The following PACSIN1 variants were observed in gnomAD, a reference collection of about 807,000 sequenced individuals.
PACSIN1 encodes the protein protein kinase C and casein kinase substrate in neurons 1.
PACSIN1 carries 15 observed loss-of-function variants against 59.5 expected under a neutral mutation model. The observed-to-expected ratio is 0.25, with a 90% CI of 0.17 to 0.39. The LOEUF (loss-of-function observed/expected upper bound fraction) is 0.39. Among genes scored for constraint, PACSIN1 ranks in the 10% least tolerant of loss-of-function variants. PACSIN1 has a pLI of 1.00. For missense variants in PACSIN1, 420 were observed against 580.2 expected (o/e 0.72, Z 2.84); for synonymous variants, 210 against 220.6 (o/e 0.95, Z 0.42).
chr6:34,466,418 G>A (rs888303294), intron 1 of PACSIN1, 148 bp downstream of exon 1: 2 of 152,520 alleles, frequency 1.3e-5, no homozygotes, highest in Non-Finnish European at 2.9e-5. Flanking sequence ...GAGAGAAGCG[G>A]GTGCGCGTTC....
At chr6:34,471,232 G>A (rs546560006) in intron 1 of PACSIN1, among the ~76,000 whole-genome samples, 108 of 152,342 alleles carry the variant, frequency 7.1e-4, no homozygotes, top group African/African-American at 2.3e-3. Context: ...ACAGGCATGA[G>A]CCACCGCGCC....
intron 1 of PACSIN1, among the ~76,000 whole-genome samples, chr6:34,468,918 C>T (rs1235078758): frequency 3.9e-5 from 6 of 152,236 alleles, no homozygotes; most frequent in African/African-American, 1.4e-4. Context: ...TTGGTCCCAT[C>T]ATCTACTTTC....
At chr6:34,504,794 A>G (rs964047981) in intron 1 of PACSIN1, among the ~76,000 whole-genome samples, 7 of 152,126 alleles carry the variant, frequency 4.6e-5, no homozygotes, top group Admixed American at 1.3e-4. Context: ...TGCTAATAAA[A>G]AATTCTTAGT....
chr6:34,532,602 C>T lies in PACSIN1; in HGVS notation c.*72C>T. On this transcript the variant is annotated 3_prime_UTR_variant, in exon 10 of 10. Coordinates refer to ENST00000244458, the MANE Select transcript of PACSIN1 (RefSeq NM_020804.5). The surrounding 1 kb of genome is among the most constrained non-coding windows in gnomAD (Gnocchi z 5.2). ...CTCCCCTCCCACTCTCGTCTCCTTC[C>T]CCTCGCCATAGAGTTCCAGACATAT... 1.3e-6 allele frequency: 1 copy of T among 795,236 alleles called. No homozygotes were observed. The highest frequency in any genetic ancestry group is 1.7e-5 in the South Asian group (1 of 59,206). The allele number at this position is 795,236 out of a possible 1,614,324, so 49.3% of individuals were successfully genotyped here.
At chr6:34,489,958 T>C (rs897597913) in intron 1 of PACSIN1, among the ~76,000 whole-genome samples, 1 of 152,220 alleles carries the variant, frequency 6.6e-6, no homozygotes, top group Admixed American at 6.5e-5. Flanking sequence ...TGGTCTCTCC[T>C]TCAGTCAGTT....
At chr6:34,476,106 C>T (rs1375342805) in intron 1 of PACSIN1, among the ~76,000 whole-genome samples, 1 of 152,164 alleles carries the variant, frequency 6.6e-6, no homozygotes, top group Admixed American at 6.5e-5. Context: ...TGTCCTTGTC[C>T]CTGGAGTTGC....
rs191798742 is a variant in PACSIN1, at chr6:34,534,244, C to T, written c.*1714C>T. ...GGCTCTGACCTTCTTCATGTGGGCACAGAGGGTCCTGACACTCTGGCAGGG... is the reference window on the plus strand; with the variant it reads ...GGCTCTGACCTTCTTCATGTGGGCATAGAGGGTCCTGACACTCTGGCAGGG... On this transcript the variant is annotated 3_prime_UTR_variant, in exon 10 of 10. Coordinates refer to ENST00000244458, the MANE Select transcript of PACSIN1 (RefSeq NM_020804.5). 7.2e-5 allele frequency: 11 copies of T among 152,504 alleles called. No homozygotes were observed. In the East Asian group the frequency reaches 7.7e-4, roughly 11 times the overall value. 9.4% of individuals were successfully genotyped at this position (152,504 alleles called of 1,614,324 possible).
intron 1 of PACSIN1, among the ~76,000 whole-genome samples, chr6:34,486,437 G>C (rs78013649): frequency 0.064 from 9,789 of 152,228 alleles, 375 homozygotes; most frequent in African/African-American, 0.086. Context: ...ACTGAGGTTT[G>C]AACGGGGCCT....
At position 34,518,315 on chromosome 6, in the gene PACSIN1, A is replaced by T. The variant is rs971099906; in HGVS notation, c.-63-7928A>T. Among the ~76,000 whole-genome samples, 6 of 152,242 alleles carry T rather than the reference A, an allele frequency of 3.9e-5. No individual in the cohort carries two copies. Among genetic ancestry groups the T allele is most frequent in the African/African-American group, 1.4e-4 (6 of 41,466 alleles). On this transcript the variant is annotated intron_variant, in intron 1 of 9. Transcript: ENST00000244458. This position sits in a 1 kb window ranked among gnomAD's most constrained non-coding sequence, Gnocchi z 4.4. ...GGAGGCAGCCTGGCCCCTGCTCTCC[A>T]GGTGGCCACAGAGGCAGTGGGCTCA...
intron 1 of PACSIN1, among the ~76,000 whole-genome samples, chr6:34,476,447 G>T (rs780724907): frequency 4.6e-5 from 7 of 151,514 alleles, no homozygotes; most frequent in Non-Finnish European, 8.8e-5. Context: ...CCACCAGCAG[G>T]ATATCTGGTG....
intron 1 of PACSIN1, among the ~76,000 whole-genome samples, chr6:34,510,749 C>G (rs942258969): frequency 6.6e-6 from 1 of 152,230 alleles, no homozygotes; most frequent in South Asian, 2.1e-4. Flanking sequence ...GAGTCTCGCT[C>G]TCACCTAGGT....
In PACSIN1 at chr6:34,514,356, A is replaced by T. The variant is rs1375881288; in HGVS notation, c.-63-11887A>T. ...GTGGCCCTCAGCTTCCAATCTGTCA[A>T]ATGGGTATGAAGCCTTATGGCACGA... On this transcript the variant is annotated intron_variant, in intron 1 of 9. Coordinates refer to ENST00000244458, the MANE Select transcript of PACSIN1 (RefSeq NM_020804.5). The surrounding 1 kb of genome is among the most constrained non-coding windows in gnomAD (Gnocchi z 4.4). Among the ~76,000 whole-genome samples the T allele has an allele frequency of 6.6e-6, 1 of 151,936 alleles. No individual in the cohort carries two copies. Among genetic ancestry groups the T allele is most frequent in the African/African-American group, 2.4e-5 (1 of 41,322 alleles).
At chr6:34,487,544 G>T (rs1039468574) in intron 1 of PACSIN1, among the ~76,000 whole-genome samples, 1 of 152,198 alleles carries the variant, frequency 6.6e-6, no homozygotes, top group African/African-American at 2.4e-5. Flanking sequence ...GATGCAGGAG[G>T]TTGCTCTCGG....
At chr6:34,503,126 G>T (rs976718850) in intron 1 of PACSIN1, among the ~76,000 whole-genome samples, 1 of 151,984 alleles carries the variant, frequency 6.6e-6, no homozygotes, top group African/African-American at 2.4e-5. Context: ...AAATTAGCCC[G>T]GCATGGTGGC....
chr6:34,478,529 C>T (rs1766672691), intron 1 of PACSIN1, among the ~76,000 whole-genome samples: 1 of 151,504 alleles, frequency 6.6e-6, no homozygotes, highest in Non-Finnish European at 1.5e-5. Flanking sequence ...TGCGTCACCA[C>T]ACCTGGCTAA....
rs1266395169 is a variant in PACSIN1, at chr6:34,528,651, A to G, written c.230A>G (p.Tyr77Cys). 1.2e-6 allele frequency: 2 copies of G among 1,613,622 alleles called. No individual in the cohort carries two copies. The highest frequency in any genetic ancestry group is 8.5e-7 in the Non-Finnish European group (1 of 1,179,870). ...WRQLIEKGPQ[Y>C]GSLERAWGAI... ...ATTGCCATTCCCTCAGGCCCACAGT[A>G]TGGCAGCCTGGAGCGGGCCTGGGGT... The change falls in exon 4 of 10, where the codon TAT (tyrosine) becomes TGT (cysteine). Residue 77 changes from tyrosine to cysteine, a missense_variant. Physicochemically the swap from Tyr to Cys is radical, Grantham distance 194. Transcript: ENST00000244458.
At chr6:34,497,648 C>T (rs1346603139) in intron 1 of PACSIN1, among the ~76,000 whole-genome samples, 1 of 152,212 alleles carries the variant, frequency 6.6e-6, no homozygotes, top group Non-Finnish European at 1.5e-5. Context: ...GTCCATCACT[C>T]TGTTGCCATC....
intron 4 of PACSIN1, 34 bp downstream of exon 4, chr6:34,528,911 G>GCC: frequency 8.0e-7 from 1 of 1,256,814 alleles, no homozygotes. Flanking sequence ...GCGGGGTGGG[G>GCC]TGGGCCCGTC....
intron 1 of PACSIN1, among the ~76,000 whole-genome samples, chr6:34,469,835 G>A (rs1304915372): frequency 1.3e-5 from 2 of 152,224 alleles, no homozygotes; most frequent in Non-Finnish European, 2.9e-5. Flanking sequence ...AAGATCAACC[G>A]GAGCCTGGCC....
Sources: allele counts gnomAD v4.1 joint callset (sites outside exome capture counted in the v4.1 genomes callset), GRCh38; gene constraint gnomAD v4.1.1; non-coding constraint Gnocchi (gnomAD v3.1); transcripts MANE v1.5; gene names NCBI Gene and HGNC (gene_info 2026-07-23, HGNC 2026-07-21).